Variants in ZSCAN10 observed in about 807,000 individuals in gnomAD.
ZSCAN10 encodes zinc finger and SCAN domain-containing protein 10.
ZSCAN10 carries 52 observed loss-of-function variants against 63.7 expected under a neutral mutation model. That is an observed-to-expected ratio of 0.82 (90% CI 0.65 to 1.03). The LOEUF is 1.03. ZSCAN10 is among the 50% of genes least tolerant of loss of function. The pLI is 0.00. For synonymous variants in ZSCAN10, 544 were observed against 479.6 expected (o/e 1.13, Z -1.76); for missense variants, 1,223 against 1,103.8 (o/e 1.11, Z -1.53).
In ZSCAN10 at chr16:3,090,407, G is replaced by C. The variant is rs761781072; in HGVS notation, c.1027C>G (p.Pro343Ala). 1 of 1,613,760 alleles carries C rather than the reference G, an allele frequency of 6.2e-7. No homozygotes were observed. The highest frequency in any genetic ancestry group is 2.2e-5 in the East Asian group (1 of 44,866). Residue 343 changes from proline (P) to alanine (A), a missense_variant, in exon 6 of 6, where the codon CCG (proline) becomes GCG (alanine). Transcript: ENST00000576985. ...KVAEGVPEPN[P>A]ELQFICADCG... ...TCCGCGCAGATGAACTGCAACTCCGGATTGGGCTCGGGGACGCCCTCAGCC... is the reference window on the plus strand; with the variant it reads ...TCCGCGCAGATGAACTGCAACTCCGCATTGGGCTCGGGGACGCCCTCAGCC...
At chr16:3,093,956 G>C (rs1396070427) in intron 1 of ZSCAN10, among the ~76,000 whole-genome samples, 2 of 152,056 alleles carry the variant, frequency 1.3e-5, no homozygotes, top group East Asian at 3.9e-4. Context: ...AAATTGCTGA[G>C]ATTAAGGCGT....
At position 3,089,289 on chromosome 16, in the gene ZSCAN10, G is replaced by A. The variant is rs777906706; in HGVS notation, c.2145C>T (p.Pro715=). ...GCGGGGGCTCGGCCTGCTCCTGCCC[G>A]GGCTCCGCATGGGTAGCCAGGTGCC... ...LRRHLATHAE[P]GQEQAEPPQE... is the part of the protein sequence containing the mutation. Residue 715 remains proline (P), a synonymous_variant, in exon 6 of 6, where the codon CCC becomes CCT. Coordinates refer to ENST00000576985, the MANE Select transcript of ZSCAN10 (RefSeq NM_032805.3). 2 of 1,563,328 alleles carry A rather than the reference G, an allele frequency of 1.3e-6. No homozygotes were observed. The highest frequency in any genetic ancestry group is 1.2e-5 in the South Asian group (1 of 84,846).
At position 3,089,479 on chromosome 16, in the gene ZSCAN10, T is replaced by C. The variant is rs769210651; in HGVS notation, c.1955A>G (p.His652Arg). 3 of 1,603,342 alleles carry C rather than the reference T, an allele frequency of 1.9e-6. No homozygotes were observed. Among genetic ancestry groups the C allele is most frequent in the South Asian group, 2.2e-5 (2 of 90,514 alleles). Residue 652 changes from histidine to arginine, a missense_variant, in exon 6 of 6, where the codon CAC (histidine) becomes CGC (arginine). His to Arg is a conservative substitution (Grantham distance 29). Transcript: ENST00000576985. Reference protein sequence around the residue: ...GFSQSAHLARHQRIHTGEKPH... With the variant: ...GFSQSAHLARRQRIHTGEKPH... ...CTTCTCCCCTGTGTGGATGCGCTGG[T>C]GGCGCGCCAGGTGGGCGCTCTGGCT...
intron 1 of ZSCAN10, among the ~76,000 whole-genome samples, chr16:3,097,724 G>A (rs1383880582): frequency 6.6e-6 from 1 of 152,206 alleles, no homozygotes; most frequent in East Asian, 1.9e-4. Flanking sequence ...TGGCCTGGGA[G>A]TAGGAGCTGT....
In ZSCAN10 at chr16:3,090,395, A is replaced by G; in HGVS notation, c.1039T>C (p.Phe347Leu). The G allele has an allele frequency of 6.2e-7, 1 of 1,613,554 alleles. No homozygotes were observed. Among genetic ancestry groups the G allele is most frequent in the South Asian group, 1.1e-5 (1 of 91,078 alleles). Residue 347 changes from phenylalanine (F) to leucine (L), a missense_variant, in exon 6 of 6, where the codon TTC (phenylalanine) becomes CTC (leucine). Phe to Leu is a conservative substitution (Grantham distance 22). Coordinates refer to ENST00000576985, the MANE Select transcript of ZSCAN10 (RefSeq NM_032805.3). ...GVPEPNPELQ[F>L]ICADCGVSFP... ...CTCACCCCGCAGTCCGCGCAGATGAACTGCAACTCCGGATTGGGCTCGGGG... is the reference window on the plus strand; with the variant it reads ...CTCACCCCGCAGTCCGCGCAGATGAGCTGCAACTCCGGATTGGGCTCGGGG...
rs1957051788 is a variant in ZSCAN10, at chr16:3,090,220, G to A, written c.1214C>T (p.Ala405Val). 1.9e-6 allele frequency: 3 copies of A among 1,606,462 alleles called. No homozygotes were observed. The highest frequency in any genetic ancestry group is 1.7e-5 in the Admixed American group (1 of 59,888). ...GAAGCGGTGGCCGCACAGGTGGCAGGCGTGCGGCCGCTCGTCCGTGTGAGT... is the reference window on the plus strand; with the variant it reads ...GAAGCGGTGGCCGCACAGGTGGCAGACGTGCGGCCGCTCGTCCGTGTGAGT... ...MRTHTDERPH[A>V]CHLCGHRFRQ... Residue 405 changes from alanine (A) to valine (V), a missense_variant, in exon 6 of 6, where the codon GCC (alanine) becomes GTC (valine). Physicochemically the swap from Ala to Val is moderately conservative, Grantham distance 64. Coordinates refer to ENST00000576985, the MANE Select transcript of ZSCAN10 (RefSeq NM_032805.3).
chr16:3,093,978 C>T (rs962059431), intron 1 of ZSCAN10, among the ~76,000 whole-genome samples: 1 of 152,040 alleles, frequency 6.6e-6, no homozygotes, highest in Non-Finnish European at 1.5e-5. Context: ...AACCACTGCA[C>T]CAAGCCTGTT....
In ZSCAN10 at chr16:3,099,177, C is replaced by A; in HGVS notation, c.-68+13G>T. The A allele has an allele frequency of 6.5e-6, 1 of 152,910 alleles. No homozygotes were observed. Among genetic ancestry groups the A allele is most frequent in the South Asian group, 2.1e-4 (1 of 4,848 alleles). The allele number at this position is 152,910 out of a possible 1,614,324, so 9.5% of individuals were successfully genotyped here. A position where few individuals can be genotyped will look rare whatever the true frequency, so the allele number is the denominator to read the frequency against. On this transcript the variant is annotated intron_variant, in intron 1 of 5. Transcript: ENST00000576985. Reference sequence around the variant, plus strand: ...GTCCTGGCAGCCTGCACCCCGACCTCCCTCCAACTCACCACTCGGAGTCCC... The same window carrying A: ...GTCCTGGCAGCCTGCACCCCGACCTACCTCCAACTCACCACTCGGAGTCCC...
rs1957037622 is a variant in ZSCAN10 at position 3,089,635 on chromosome 16, T to G, written c.1799A>C (p.His600Pro). 6.3e-7 allele frequency: 1 copy of G among 1,588,598 alleles called. No individual in the cohort carries two copies. The highest frequency in any genetic ancestry group is 1.3e-5 in the African/African-American group (1 of 74,188). Residue 600 changes from histidine (H) to proline (P), a missense_variant, in exon 6 of 6, where the codon CAC becomes CCC. Physicochemically the swap from His to Pro is moderately conservative, Grantham distance 77. Coordinates refer to ENST00000576985, the MANE Select transcript of ZSCAN10 (RefSeq NM_032805.3). ...RASLARHLLT[H>P]GGPRPHHCTQ... ...GCAGTGGTGGGGCCGAGGGCCACCG[T>G]GGGTCAGCAGGTGGCGGGCAAGGCT...
At position 3,089,765 on chromosome 16, in the gene ZSCAN10, G is replaced by T. The variant is rs779451100; in HGVS notation, c.1669C>A (p.Arg557Ser). 18 of 1,597,850 alleles carry T rather than the reference G, an allele frequency of 1.1e-5. No individual in the cohort carries two copies. The highest frequency in any genetic ancestry group is 1.3e-5 in the African/African-American group (1 of 74,642). Residue 557 changes from arginine (R) to serine (S), a missense_variant, in exon 6 of 6, where the codon CGC becomes AGC. Transcript: ENST00000576985. Reference sequence around the variant, plus strand: ...AGCTGCGAGCTCTGCGTGAAGCTGCGGCCGCAAGCCTGGCAGGAGAAGGGC... The same window carrying T: ...AGCTGCGAGCTCTGCGTGAAGCTGCTGCCGCAAGCCTGGCAGGAGAAGGGC... ...ERPFSCQACG[R>S]SFTQSSQLVS... is the part of the protein sequence containing the mutation.
intron 1 of ZSCAN10, among the ~76,000 whole-genome samples, chr16:3,098,621 C>G (rs1042557287): frequency 2.6e-5 from 4 of 152,168 alleles, no homozygotes; most frequent in Admixed American, 6.5e-5. Flanking sequence ...TCCCTCCCCC[C>G]AGATCTCCAG....
In ZSCAN10 at chr16:3,092,139, C is replaced by T. The variant is rs1183769966; in HGVS notation, c.574G>A (p.Ala192Thr). The change falls in exon 3 of 6, where the codon GCT becomes ACT. Residue 192 changes from alanine to threonine, a missense_variant. Transcript: ENST00000576985. Reference sequence around the variant, plus strand: ...GGAAGCCTCCACTGTCCCGGCTCAGCAGGCTGGGCAGCCCTTGGCTGGGGT... The same window carrying T: ...GGAAGCCTCCACTGTCCCGGCTCAGTAGGCTGGGCAGCCCTTGGCTGGGGT... ...PRPQPRAAQP[A>T]EPGQWRLPPS... is the part of the protein sequence containing the mutation. 3 of 1,612,974 alleles carry T rather than the reference C, an allele frequency of 1.9e-6. No individual in the cohort carries two copies. Among genetic ancestry groups the T allele is most frequent in the Admixed American group, 3.3e-5 (2 of 59,898 alleles).
Position 3,092,748 on chromosome 16 carries a change from G to T in ZSCAN10, c.190C>A (p.Arg64=), listed in dbSNP as rs771795773. 1.9e-6 allele frequency: 3 copies of T among 1,611,318 alleles called. No individual in the cohort carries two copies. The highest frequency in any genetic ancestry group is 2.5e-6 in the Non-Finnish European group (3 of 1,179,092). ...EDMGPRASLS[R]LRELCGHWLR... ...CAGTGGCCGCAGAGCTCCCGGAGCC[G>T]GCTCAGGGACGCCCGTGGCCCCATG... is the stretch of plus-strand genomic sequence containing the variant. Residue 64 remains arginine (R), a synonymous_variant, in exon 2 of 6, where the codon CGG becomes AGG. Transcript: ENST00000576985.
In ZSCAN10 at chr16:3,089,286, C is replaced by A. The variant is rs1236176229; in HGVS notation, c.2148G>T (p.Gly716=). The change falls in exon 6 of 6, where the codon GGG becomes GGT. Residue 716 remains glycine, a synonymous_variant. Transcript: ENST00000576985. The part of the protein sequence containing the change: ...RRHLATHAEP[G]QEQAEPPQEC... ...CCTGCGGGGGCTCGGCCTGCTCCTGCCCGGGCTCCGCATGGGTAGCCAGGT... is the reference window on the plus strand; with the variant it reads ...CCTGCGGGGGCTCGGCCTGCTCCTGACCGGGCTCCGCATGGGTAGCCAGGT... 5 of 1,563,566 alleles carry A rather than the reference C, an allele frequency of 3.2e-6. No homozygotes were observed. The African/African-American group carries it at 5.5e-5, about 17-fold the overall frequency.
chr16:3,098,824 G>A (rs964061254), intron 1 of ZSCAN10, among the ~76,000 whole-genome samples: 52 of 152,330 alleles, frequency 3.4e-4, no homozygotes, highest in African/African-American at 1.1e-3. Context: ...GTCCTCAGCC[G>A]GGAACACTCC....
At chr16:3,098,089 AG>A (rs1343573477) in intron 1 of ZSCAN10, among the ~76,000 whole-genome samples, 25 of 151,154 alleles carry the variant, frequency 1.7e-4, no homozygotes, top group Non-Finnish European at 2.2e-4. Context: ...AGAAAAGAAA[AG>A]AAAAAAAAAG....
At chr16:3,098,307 C>T (rs1012751966) in intron 1 of ZSCAN10, among the ~76,000 whole-genome samples, 1 of 152,102 alleles carries the variant, frequency 6.6e-6, no homozygotes, top group Admixed American at 6.5e-5. Context: ...AAAGACCAAG[C>T]TTTGCACTTG....
In ZSCAN10 at chr16:3,090,063, G is replaced by A. The variant is rs1197554318; in HGVS notation, c.1371C>T (p.Asp457=). Residue 457 remains aspartate (D), a synonymous_variant, in exon 6 of 6, where the codon GAC becomes GAT. Transcript: ENST00000576985. ...TCTCAGGAGCGCAGGGCGGCTTCTG[G>A]TCCTGGGCGTGCGCCAGCAGGTGCT... ...LVQHLLAHAQ[D]QKPPCAPESK... The A allele has an allele frequency of 6.2e-7, 1 of 1,604,566 alleles. No individual in the cohort carries two copies. Among genetic ancestry groups the A allele is most frequent in the Non-Finnish European group, 8.5e-7 (1 of 1,178,826 alleles).
Position 3,089,059 on chromosome 16 carries a change from C to A in ZSCAN10, c.*32G>T, listed in dbSNP as rs776820091. Reference sequence around the variant, plus strand: ...GCTGTGGAGGACCCCGGGTAGGTGGCGCAGGGCGCGGCTGGCGGAAGGCGG... The same window carrying A: ...GCTGTGGAGGACCCCGGGTAGGTGGAGCAGGGCGCGGCTGGCGGAAGGCGG... On this transcript the variant is annotated 3_prime_UTR_variant, in exon 6 of 6. Transcript: ENST00000576985. 2 of 1,461,166 alleles carry A rather than the reference C, an allele frequency of 1.4e-6. No homozygotes were observed. The highest frequency in any genetic ancestry group is 1.4e-5 in the South Asian group (1 of 71,216). 90.5% of individuals were successfully genotyped at this position (1,461,166 alleles called of 1,614,324 possible).
Sources: gnomAD v4.1 joint callset for allele counts (sites outside exome capture counted in the v4.1 genomes callset) on GRCh38, gnomAD v4.1.1 for gene constraint, MANE v1.5 for transcripts, NCBI Gene and HGNC (gene_info 2026-07-23, HGNC 2026-07-21) for gene names.